Variants in DDAH1 observed in about 807,000 individuals in gnomAD.
DDAH1 encodes the protein N(G),N(G)-dimethylarginine dimethylaminohydrolase 1.
DDAH1 carries 19 observed loss-of-function variants against 28.8 expected under a neutral mutation model. The ratio of observed to expected loss-of-function variants is 0.66; its 90% CI spans 0.46 to 0.97. The LOEUF (loss-of-function observed/expected upper bound fraction) is 0.97. Among genes scored for constraint, DDAH1 ranks in the 50% least tolerant of loss-of-function variants. The probability of loss-of-function intolerance (pLI) is 0.00; values close to 1 mark genes in which losing one functional copy is unlikely to be tolerated. For synonymous variants in DDAH1, 153 were observed against 154.4 expected, an observed-to-expected ratio of 0.99 and a Z score of 0.07; for missense variants, 326 against 375.9, an observed-to-expected ratio of 0.87 and a Z score of 1.10.
At position 85,376,563 on chromosome 1, in the gene DDAH1, G is replaced by C. The variant is rs77862071; in HGVS notation, c.304-17716C>G. ...GGCAGTTTTCCAGTGAGCAGAGTTGGAGAAGCTTTTCTTTTCACAGGGTAA... is the reference window on the plus strand; with the variant it reads ...GGCAGTTTTCCAGTGAGCAGAGTTGCAGAAGCTTTTCTTTTCACAGGGTAA... On this transcript the variant is annotated intron_variant, in intron 1 of 5. Coordinates refer to ENST00000284031, the MANE Select transcript of DDAH1 (RefSeq NM_012137.4). Among the ~76,000 whole-genome samples the C allele has an allele frequency of 8.2e-4, 124 of 152,036 alleles. 1 individual carries two copies. The East Asian group carries it at 0.015, about 18-fold the overall frequency.
intron 1 of DDAH1, among the ~76,000 whole-genome samples, chr1:85,361,380 G>A (rs1649787479): frequency 6.6e-6 from 1 of 152,064 alleles, no homozygotes; most frequent in Non-Finnish European, 1.5e-5. Context: ...TAACTTCCAA[G>A]AGGAAAAAAA....
intron 1 of DDAH1, among the ~76,000 whole-genome samples, chr1:85,526,072 G>T (rs1221623504): frequency 2.6e-5 from 4 of 152,172 alleles, no homozygotes; most frequent in Admixed American, 2.0e-4. Flanking sequence ...AAGTCAGAAG[G>T]CTGTCTGGTT....
At chr1:85,416,211 G>C (rs1230067994) in intron 1 of DDAH1, among the ~76,000 whole-genome samples, 1 of 152,030 alleles carries the variant, frequency 6.6e-6, no homozygotes, top group Non-Finnish European at 1.5e-5. Context: ...TTGTGTGACT[G>C]TGATTTTGGT....
intron 4 of DDAH1, among the ~76,000 whole-genome samples, chr1:85,330,535 C>A (rs2100799978): frequency 6.6e-6 from 1 of 152,270 alleles, no homozygotes; most frequent in East Asian, 1.9e-4. Context: ...AAAGGAGACA[C>A]ACCTAAACCC....
rs149279443 is a variant in DDAH1, at chr1:85,362,271, A to G, written c.304-3424T>C. On this transcript the variant is annotated intron_variant, in intron 1 of 5. Transcript: ENST00000284031. ...TTTCTTGTGTAACCTCTGCTTTGAA[A>G]TAGCCCTTGGAAAGTACTACATAAG... Among the ~76,000 whole-genome samples the G allele has an allele frequency of 6.2e-3, 951 of 152,282 alleles. 9 individuals are homozygous for G. The highest frequency in any genetic ancestry group is 0.022 in the African/African-American group (922 of 41,558).
intron 1 of DDAH1, among the ~76,000 whole-genome samples, chr1:85,387,973 T>C (rs1022307008): frequency 6.6e-6 from 1 of 151,426 alleles, no homozygotes; most frequent in Non-Finnish European, 1.5e-5. Flanking sequence ...CTTGGGGAGG[T>C]GCCAAGTTCT....
intron 1 of DDAH1, among the ~76,000 whole-genome samples, chr1:85,406,480 T>A (rs1257376347): frequency 6.6e-6 from 1 of 152,124 alleles, no homozygotes; most frequent in Admixed American, 6.5e-5. Flanking sequence ...CATCATGAAG[T>A]CCAAAGAGAA....
At chr1:85,385,380 T>C (rs1570466399) in intron 1 of DDAH1, among the ~76,000 whole-genome samples, 1 of 152,220 alleles carries the variant, frequency 6.6e-6, no homozygotes, top group Admixed American at 6.5e-5. Flanking sequence ...GTAAAATACA[T>C]ACTAAATTAT....
intron 2 of DDAH1, among the ~76,000 whole-genome samples, chr1:85,489,260 A>G (rs1309494164): frequency 1.3e-5 from 2 of 152,234 alleles, no homozygotes; most frequent in South Asian, 2.1e-4. Context: ...GAAAGCAAAA[A>G]TAATAGGGTG....
intron 1 of DDAH1, among the ~76,000 whole-genome samples, chr1:85,564,247 A>G (rs1356726469): frequency 6.6e-6 from 1 of 152,196 alleles, no homozygotes; most frequent in Non-Finnish European, 1.5e-5. Flanking sequence ...TGTGATTAAC[A>G]GCAGATTATA....
At chr1:85,371,903 T>G (rs1252989023) in intron 1 of DDAH1, among the ~76,000 whole-genome samples, 5 of 152,200 alleles carry the variant, frequency 3.3e-5, no homozygotes, top group African/African-American at 1.2e-4. Flanking sequence ...CAACAGCTGG[T>G]ACAAGTTGGT....
Position 85,480,187 on chromosome 1 carries a change from A to G in DDAH1, c.-7+15979T>C, listed in dbSNP as rs572652836. 2.0e-5 allele frequency among the ~76,000 whole-genome samples: 3 copies of G among 152,272 alleles called. No homozygotes were observed. The South Asian group carries it at 6.2e-4, about 32-fold the overall frequency. On this transcript the variant is annotated intron_variant, in intron 2 of 6. Transcript: ENST00000426972. ...TCTATGTGCCCCTGCTCCACCCCAC[A>G]CACTGTTAGCAGTTCCCCATCCCTG...
At chr1:85,423,902 G>A (rs1405068120) in intron 1 of DDAH1, among the ~76,000 whole-genome samples, 2 of 152,168 alleles carry the variant, frequency 1.3e-5, no homozygotes, top group Non-Finnish European at 2.9e-5. Context: ...TCACCCTTAA[G>A]TATGTGTTGC....
intron 1 of DDAH1, among the ~76,000 whole-genome samples, chr1:85,404,817 G>A (rs566144066): frequency 2.0e-5 from 3 of 152,112 alleles, no homozygotes; most frequent in Non-Finnish European, 4.4e-5. Flanking sequence ...GGCCACAGGA[G>A]TTGCTATATG....
chr1:85,519,314 T>C (rs1452450174), intron 1 of DDAH1, among the ~76,000 whole-genome samples: 1 of 152,066 alleles, frequency 6.6e-6, no homozygotes, highest in Non-Finnish European at 1.5e-5. Context: ...GCCAGGATGG[T>C]CTCGATATCC....
intron 1 of DDAH1, among the ~76,000 whole-genome samples, chr1:85,381,719 GT>G (rs35392469): frequency 0.34 from 50,873 of 147,854 alleles, 8,664 homozygotes; most frequent in South Asian, 0.41. Flanking sequence ...TGCAGATACT[GT>G]TTTTTTTTTT....
chr1:85,398,162 G>A (rs867333055), intron 1 of DDAH1, among the ~76,000 whole-genome samples: 3 of 151,956 alleles, frequency 2.0e-5, no homozygotes, highest in Admixed American at 1.3e-4. Flanking sequence ...GTCTGATGTC[G>A]GCCTTGGTTT....
At chr1:85,523,190 G>A (rs1165338996) in intron 1 of DDAH1, among the ~76,000 whole-genome samples, 3 of 152,118 alleles carry the variant, frequency 2.0e-5, no homozygotes, top group African/African-American at 2.4e-5. Context: ...TCAAAGCTGA[G>A]GGAATACCTG....
rs190291254 is a variant in DDAH1 at position 85,352,610 on chromosome 1, T to C, written c.404-1031A>G. On this transcript the variant is annotated intron_variant, in intron 2 of 5. Coordinates refer to ENST00000284031, the MANE Select transcript of DDAH1 (RefSeq NM_012137.4). ...CACCACAACTGCTGTTACTCAGTAATTGGCCAAAAATTGGGCAATTATCTT... is the reference window on the plus strand; with the variant it reads ...CACCACAACTGCTGTTACTCAGTAACTGGCCAAAAATTGGGCAATTATCTT... Among the ~76,000 whole-genome samples, 762 of 152,302 alleles carry C rather than the reference T, an allele frequency of 5.0e-3. 2 individuals are homozygous for C. The highest frequency in any genetic ancestry group is 0.018 in the African/African-American group (728 of 41,562).
Sources: allele counts gnomAD v4.1 joint callset (sites outside exome capture counted in the v4.1 genomes callset), GRCh38; gene constraint gnomAD v4.1.1; transcripts MANE v1.5; gene names NCBI Gene and HGNC (gene_info 2026-07-23, HGNC 2026-07-21).